CAST: variants seen among roughly 807,000 people sequenced by gnomAD.
CAST encodes MIR583 host.
CAST carries 76 observed loss-of-function variants against 119.6 expected under a neutral mutation model. The ratio of observed to expected loss-of-function variants is 0.64; its 90% confidence interval spans 0.53 to 0.77. CAST has a LOEUF of 0.77. Ranked by LOEUF, CAST falls within the 30% of genes least tolerant of loss-of-function variation. The pLI, the probability that CAST is intolerant of heterozygous loss-of-function variation, is 0.00. For missense variants in CAST, 953 were observed against 946.5 expected (o/e 1.01, Z -0.09); for synonymous variants, 319 against 331.6 (o/e 0.96, Z 0.41).
the CAST span, among the ~76,000 whole-genome samples, chr5:96,515,395 A>T: frequency 6.6e-6 from 1 of 151,872 alleles, no homozygotes; most frequent in South Asian, 2.1e-4. Context: ...AACAGCAGTC[A>T]TTTTGGGACC....
the CAST span, among the ~76,000 whole-genome samples, chr5:96,404,861 C>A: frequency 1.3e-5 from 2 of 151,958 alleles, no homozygotes; most frequent in African/African-American, 4.8e-5. Context: ...ATGTTGTAAG[C>A]GTTATAATTA....
the CAST span, among the ~76,000 whole-genome samples, chr5:95,974,995 C>A: frequency 9.9e-5 from 15 of 152,218 alleles, no homozygotes; most frequent in African/African-American, 3.6e-4. Context: ...GCAGAGCATG[C>A]CATGAAGGAG....
At chr5:96,758,281 C>A (rs1355833512) in intron 24 of CAST, among the ~76,000 whole-genome samples, 1 of 152,154 alleles carries the variant, frequency 6.6e-6, no homozygotes, top group African/African-American at 2.4e-5. Context: ...CAAATTGCCT[C>A]CTAAGGGAAC....
At chr5:96,020,224 C>T in the CAST span, among the ~76,000 whole-genome samples, 1 of 152,162 alleles carries the variant, frequency 6.6e-6, no homozygotes, top group Admixed American at 6.6e-5. Flanking sequence ...GGTATGATTT[C>T]TTGGATTCCA....
chr5:96,337,972 A>AT, the CAST span, among the ~76,000 whole-genome samples: 56 of 151,178 alleles, frequency 3.7e-4, no homozygotes, highest in Non-Finnish European at 6.6e-4. Context: ...AAAACTTTTA[A>AT]TTTTTTTTTT....
the CAST span, among the ~76,000 whole-genome samples, chr5:96,093,040 T>C: frequency 7.9e-5 from 12 of 152,178 alleles, no homozygotes; most frequent in Non-Finnish European, 1.3e-4. Flanking sequence ...ATATTGTTAT[T>C]CTTAATTTAA....
intron 3 of CAST, among the ~76,000 whole-genome samples, chr5:96,704,121 C>A (rs1346095925): frequency 6.6e-6 from 1 of 152,312 alleles, no homozygotes; most frequent in East Asian, 1.9e-4. Context: ...ATGAGGCTGA[C>A]TAGGGATCCC....
At chr5:96,345,966 G>T in the CAST span, among the ~76,000 whole-genome samples, 1 of 152,164 alleles carries the variant, frequency 6.6e-6, no homozygotes, top group South Asian at 2.1e-4. Flanking sequence ...AGCAAAAGTA[G>T]GGAGGATTAC....
chr5:96,326,239 A>G, the CAST span, among the ~76,000 whole-genome samples: 3 of 151,918 alleles, frequency 2.0e-5, no homozygotes, highest in South Asian at 2.1e-4. Flanking sequence ...CCCTTTCCCA[A>G]TCTATTGTGG....
intron 1 of CAST, among the ~76,000 whole-genome samples, chr5:96,578,153 A>G (rs1746706364): frequency 6.6e-6 from 1 of 152,096 alleles, no homozygotes; most frequent in Non-Finnish European, 1.5e-5. Flanking sequence ...CTAGTGAACT[A>G]ATTCTTTTAT....
At chr5:96,663,733 C>G (rs760018827) in intron 1 of CAST, among the ~76,000 whole-genome samples, 1 of 152,008 alleles carries the variant, frequency 6.6e-6, no homozygotes, top group Admixed American at 6.5e-5. Flanking sequence ...GGAAAGAAAG[C>G]GAGAAAGTGA....
the CAST span, among the ~76,000 whole-genome samples, chr5:96,358,420 G>T: frequency 2.0e-5 from 3 of 152,060 alleles, no homozygotes; most frequent in African/African-American, 7.2e-5. Flanking sequence ...TAATTGTGAT[G>T]TTAGGTTGTT....
intron 2 of CAST, 80 bp downstream of exon 2, chr5:96,675,681 T>A: frequency 9.5e-7 from 1 of 1,052,934 alleles, no homozygotes; most frequent in Non-Finnish European, 1.4e-6. Flanking sequence ...AATAACGATG[T>A]AGCAAAGAGC....
At chr5:96,562,185 A>C (rs568382200) in intron 1 of CAST, among the ~76,000 whole-genome samples, 2 of 132,820 alleles carry the variant, frequency 1.5e-5, no homozygotes, top group African/African-American at 2.6e-5. Context: ...AAAACTTTTC[A>C]TGCACACACA....
the CAST span, among the ~76,000 whole-genome samples, chr5:96,419,445 C>CCATA: frequency 0.011 from 1,597 of 149,514 alleles, 33 homozygotes; most frequent in African/African-American, 0.037. Flanking sequence ...CCCTCTCTCT[C>CCATA]TCTATATATA....
chr5:96,668,094 T>C (rs1347455283), intron 1 of CAST, among the ~76,000 whole-genome samples: 1 of 152,082 alleles, frequency 6.6e-6, no homozygotes, highest in African/African-American at 2.4e-5. Flanking sequence ...ATTGTCAACA[T>C]TGTCCTAATC....
At chr5:96,083,358 C>T in the CAST span, among the ~76,000 whole-genome samples, 1 of 152,122 alleles carries the variant, frequency 6.6e-6, no homozygotes, top group African/African-American at 2.4e-5. Flanking sequence ...GGGATCTGAC[C>T]ACCTGGCCTC....
chr5:96,576,891 T>C (rs563149598), intron 1 of CAST, among the ~76,000 whole-genome samples: 6 of 152,106 alleles, frequency 3.9e-5, no homozygotes, highest in African/African-American at 1.4e-4. Context: ...CATAGGTAAA[T>C]GTGTGCCATG....
chr5:96,434,394 T>G, the CAST span, among the ~76,000 whole-genome samples: 1 of 152,222 alleles, frequency 6.6e-6, no homozygotes, highest in Non-Finnish European at 1.5e-5. Flanking sequence ...ACCTCCACCC[T>G]TCTGCAGCTG....
Sources: gnomAD v4.1 joint callset for allele counts (sites outside exome capture counted in the v4.1 genomes callset) on GRCh38, gnomAD v4.1.1 for gene constraint, MANE v1.5 for transcripts, NCBI Gene and HGNC (gene_info 2026-07-23, HGNC 2026-07-21) for gene names.